CCT7: variants seen among roughly 807,000 people sequenced by gnomAD.
CCT7 encodes chaperonin containing TCP1 subunit 7, also known as T-complex protein 1 subunit eta.
Under a neutral mutation model 56.6 loss-of-function variants are expected in CCT7, and 16 were observed. The ratio of observed to expected loss-of-function variants is 0.28; its 90% confidence interval spans 0.19 to 0.43. The LOEUF is 0.43. Among genes scored for constraint, CCT7 ranks in the 20% least tolerant of loss-of-function variants. CCT7 has a pLI of 1.00. For synonymous variants in CCT7, 262 were observed against 254.8 expected (o/e 1.03, Z -0.27); for missense variants, 519 against 685.6 (o/e 0.76, Z 2.71).
chr2:73,246,185 G>A (rs523355), intron 6 of CCT7, among the ~76,000 whole-genome samples: 1 of 152,294 alleles, frequency 6.6e-6, no homozygotes. Context: ...GGTTAACTGG[G>A]AATTTTCTGA....
chr2:73,241,244 A>G (rs1687099054), intron 3 of CCT7, among the ~76,000 whole-genome samples: 1 of 152,124 alleles, frequency 6.6e-6, no homozygotes, highest in South Asian at 2.1e-4. Context: ...AAGTTACGTT[A>G]AAAGGTTTAT....
chr2:73,243,727 G>A (rs1054518985), intron 4 of CCT7: 17 of 426,600 alleles, frequency 4.0e-5, no homozygotes, highest in South Asian at 9.3e-5. Flanking sequence ...TCGTTGTAGC[G>A]TGTTACCTGC....
intron 9 of CCT7, 35 bp from the exon 10 acceptor site, chr2:73,250,271 G>A: frequency 6.2e-7 from 1 of 1,612,674 alleles, no homozygotes; most frequent in Non-Finnish European, 8.5e-7. Context: ...TGGCAGACAA[G>A]AGTTCATGTG....
chr2:73,241,929 C>T (rs60926433), intron 3 of CCT7, among the ~76,000 whole-genome samples: 5 of 151,736 alleles, frequency 3.3e-5, no homozygotes, highest in African/African-American at 9.7e-5. Flanking sequence ...TTGGTAGAGA[C>T]GGGGTTTCAC....
intron 1 of CCT7, among the ~76,000 whole-genome samples, chr2:73,238,721 G>T (rs1686978631): frequency 6.6e-6 from 1 of 152,248 alleles, no homozygotes; most frequent in Non-Finnish European, 1.5e-5. Flanking sequence ...ACTGGATCTA[G>T]TTCGTGGGCT....
chr2:73,250,473 ACT>A (rs767488781), intron 10 of CCT7, 35 bp downstream of exon 10: 1 of 1,609,840 alleles, frequency 6.2e-7, no homozygotes, highest in Non-Finnish European at 8.5e-7. Flanking sequence ...TGCACAGCCT[ACT>A]CTCTCCTATC....
Position 73,234,345 on chromosome 2 carries a change from G to T in CCT7, c.-34G>T, listed in dbSNP as rs528242027. On this transcript the variant is annotated 5_prime_UTR_variant, in exon 1 of 12. Coordinates refer to ENST00000258091, the MANE Select transcript of CCT7 (RefSeq NM_006429.4). The stretch of plus-strand genomic sequence containing the variant: ...TGGGCGGCCCGGTCTCGGAGAAGAG[G>T]GGAGAGTGGCGGGCCGCTGAATAAG... 1.9e-6 allele frequency: 3 copies of T among 1,613,786 alleles called. No individual in the cohort carries two copies. The highest frequency in any genetic ancestry group is 2.2e-5 in the South Asian group (2 of 91,084).
chr2:73,234,623 G>A (rs1434209595), intron 1 of CCT7, among the ~76,000 whole-genome samples: 1 of 152,234 alleles, frequency 6.6e-6, no homozygotes. Flanking sequence ...GCCGGTTGGG[G>A]ACTACAAGTC....
chr2:73,239,823 G>T, intron 2 of CCT7, 27 bp downstream of exon 2: 1 of 1,611,066 alleles, frequency 6.2e-7, no homozygotes, highest in Non-Finnish European at 8.5e-7. Context: ...CCTCAGGCCT[G>T]TGTGCAGGAA....
At chr2:73,238,490 T>C (rs188350969) in intron 1 of CCT7, among the ~76,000 whole-genome samples, 1 of 152,360 alleles carries the variant, frequency 6.6e-6, no homozygotes, top group East Asian at 1.9e-4. Flanking sequence ...CATTGTTAGG[T>C]TGGGAAAGCT....
intron 11 of CCT7, among the ~76,000 whole-genome samples, chr2:73,252,027 G>A (rs906334926): frequency 2.9e-5 from 4 of 137,762 alleles, no homozygotes; most frequent in African/African-American, 1.1e-4. Flanking sequence ...TGACCACATG[G>A]AGTGGGCTTA....
In CCT7 at chr2:73,252,917, G is replaced by T. The variant is rs1687663330; in HGVS notation, c.*56G>T. On this transcript the variant is annotated 3_prime_UTR_variant, in exon 12 of 12. Transcript: ENST00000258091. ...GCTGCTGGGTGCACTTACCCTCCTT[G>T]GCTTGGTTACTTCATTTTACAAGGA... 7.5e-7 allele frequency: 1 copy of T among 1,341,124 alleles called. No homozygotes were observed. The highest frequency in any genetic ancestry group is 1.0e-6 in the Non-Finnish European group (1 of 953,468). The allele number at this position is 1,341,124 out of a possible 1,614,324, so 83.1% of individuals were successfully genotyped here. A position where few individuals can be genotyped will look rare whatever the true frequency, so the allele number is the denominator to read the frequency against.
At chr2:73,249,204 T>G (rs529279236) in intron 8 of CCT7, 25 bp downstream of exon 8, 1 of 1,575,410 alleles carries the variant, frequency 6.3e-7, no homozygotes, top group African/African-American at 1.3e-5. Flanking sequence ...ACAGGCTGCT[T>G]CTCGGCCTTT....
intron 6 of CCT7, among the ~76,000 whole-genome samples, chr2:73,246,889 T>G (rs1478809338): frequency 6.6e-6 from 1 of 152,184 alleles, no homozygotes; most frequent in Non-Finnish European, 1.5e-5. Context: ...CACCCATGGG[T>G]TACAGTATTA....
rs1293446786 is a variant in CCT7 at position 73,252,662 on chromosome 2, ACAT to A, written c.1436_1438del (p.Ile479del). 8 of 1,614,010 alleles carry A rather than the reference ACAT, an allele frequency of 5.0e-6. No individual in the cohort carries two copies. In the South Asian group the frequency reaches 8.8e-5, roughly 18 times the overall value. On this transcript the variant is annotated inframe_deletion, in exon 12 of 12. Transcript: ENST00000258091. The stretch of plus-strand genomic sequence containing the variant: ...TAGGGGGGTACATGGTATGGAGTAG[ACAT>A]CAACAACGAGGACATTGCTGACAAC...
intron 4 of CCT7, chr2:73,243,767 T>C (rs1687214785): frequency 4.0e-6 from 2 of 501,344 alleles, no homozygotes; most frequent in Admixed American, 3.6e-5. Context: ...GGAAGCACCC[T>C]GATTCTTCAG....
rs1483362811 is a variant in CCT7, at chr2:73,239,784, G to A, written c.148G>A (p.Val50Ile). Reference sequence around the variant, plus strand: ...TCCCCGTGGCATGGACAAGCTTATTGTAGATGGCAGAGGTAAGTCTACAGA... The same window carrying A: ...TCCCCGTGGCATGGACAAGCTTATTATAGATGGCAGAGGTAAGTCTACAGA... ...LGPRGMDKLI[V>I]DGRGKATISN... The change falls in exon 2 of 12, where the codon GTA becomes ATA. Residue 50 changes from valine to isoleucine, a missense_variant. Val to Ile is a conservative substitution (Grantham distance 29). Around this residue, in one of 3 missense-constraint regions of CCT7, gnomAD observed 276 missense variants for 357.3 expected, o/e 0.77. Coordinates refer to ENST00000258091, the MANE Select transcript of CCT7 (RefSeq NM_006429.4). 1 of 1,613,938 alleles carries A rather than the reference G, an allele frequency of 6.2e-7. No homozygotes were observed. Among genetic ancestry groups the A allele is most frequent in the Non-Finnish European group, 8.5e-7 (1 of 1,179,864 alleles).
chr2:73,242,715 A>G (rs1383697032), intron 3 of CCT7, among the ~76,000 whole-genome samples: 2 of 152,164 alleles, frequency 1.3e-5, no homozygotes, highest in Non-Finnish European at 2.9e-5. Flanking sequence ...TTCTCAGTTC[A>G]TGTGTGTAAT....
intron 3 of CCT7, among the ~76,000 whole-genome samples, chr2:73,242,300 G>A (rs751233506): frequency 9.2e-5 from 14 of 151,792 alleles, no homozygotes; most frequent in Non-Finnish European, 1.9e-4. Context: ...TGCTTCTTGA[G>A]ACGGAGTCTC....
Sources: allele counts gnomAD v4.1 joint callset (sites outside exome capture counted in the v4.1 genomes callset), GRCh38; gene constraint gnomAD v4.1.1; regional missense constraint gnomAD v4.1.1; transcripts MANE v1.5; gene names NCBI Gene and HGNC (gene_info 2026-07-23, HGNC 2026-07-21).